MACROD2: variants seen among roughly 807,000 people sequenced by gnomAD.
MACROD2 encodes mono-ADP ribosylhydrolase 2.
A neutral mutation model predicts 70.4 loss-of-function variants in MACROD2; 36 were observed. The observed-to-expected ratio is 0.51, with a 90% CI of 0.39 to 0.68. The LOEUF (loss-of-function observed/expected upper bound fraction) is 0.68. Among genes scored for constraint, MACROD2 ranks in the 30% least tolerant of loss-of-function variants. The pLI is 0.00. For synonymous variants in MACROD2, 172 were observed against 178.8 expected, an observed-to-expected ratio of 0.96 and a Z score of 0.30; for missense variants, 496 against 538.4, an observed-to-expected ratio of 0.92 and a Z score of 0.78.
Position 14,358,966 on chromosome 20 carries a change from C to T in MACROD2, c.272-134513C>T, listed in dbSNP as rs544183184. 8.0e-4 allele frequency among the ~76,000 whole-genome samples: 121 copies of T among 152,164 alleles called. 1 individual carries two copies. The highest frequency in any genetic ancestry group is 2.5e-3 in the African/African-American group (105 of 41,534). ...CTTTAAGAAGCTGAGGAGGGAGGAT[C>T]GCTTGAGCCCAGGAGTTCAAGACCA... On this transcript the variant is annotated intron_variant, in intron 3 of 17. Coordinates refer to ENST00000684519, the MANE Select transcript of MACROD2 (RefSeq NM_001351661.2).
rs74424902 is a variant in MACROD2, at chr20:14,842,225, C to T, written c.418+157266C>T. Among the ~76,000 whole-genome samples the T allele has an allele frequency of 1.8e-3, 275 of 152,208 alleles. 1 individual carries two copies. Among genetic ancestry groups the T allele is most frequent in the African/African-American group, 6.3e-3 (262 of 41,520 alleles). ...TCCCACTTCTGCAATAATAAACCCACTCTCATGATAACAGCCTTCATCCAT... is the reference window on the plus strand; with the variant it reads ...TCCCACTTCTGCAATAATAAACCCATTCTCATGATAACAGCCTTCATCCAT... On this transcript the variant is annotated intron_variant, in intron 5 of 17. Coordinates refer to ENST00000684519, the MANE Select transcript of MACROD2 (RefSeq NM_001351661.2).
At chr20:16,002,656 C>T (rs1038253844) in intron 15 of MACROD2, among the ~76,000 whole-genome samples, 1 of 152,126 alleles carries the variant, frequency 6.6e-6, no homozygotes, top group African/African-American at 2.4e-5. Flanking sequence ...AGATTTTTCC[C>T]CAGAGCCTCA....
At chr20:14,304,426 C>A (rs1198332860) in intron 3 of MACROD2, among the ~76,000 whole-genome samples, 5 of 152,158 alleles carry the variant, frequency 3.3e-5, no homozygotes, top group Non-Finnish European at 7.3e-5. Context: ...AAAAAGAAGT[C>A]TAAGATTGCC....
At chr20:15,515,256 T>C (rs2146519453) in intron 8 of MACROD2, among the ~76,000 whole-genome samples, 1 of 152,354 alleles carries the variant, frequency 6.6e-6, no homozygotes, top group Middle Eastern at 3.4e-3. Flanking sequence ...TTCTAAGCCA[T>C]GGATATTTCC....
chr20:14,033,444 C>G (rs149815570), intron 2 of MACROD2, among the ~76,000 whole-genome samples: 1 of 152,076 alleles, frequency 6.6e-6, no homozygotes, highest in Non-Finnish European at 1.5e-5. Flanking sequence ...ATTGTAGATT[C>G]TATTCTATTC....
At chr20:15,860,552 T>C (rs2147161164) in intron 8 of MACROD2, among the ~76,000 whole-genome samples, 1 of 152,232 alleles carries the variant, frequency 6.6e-6, no homozygotes, top group African/African-American at 2.4e-5. Context: ...GGCTGCACAG[T>C]CTTATTTTTA....
chr20:14,365,693 G>A (rs1482562852), intron 3 of MACROD2, among the ~76,000 whole-genome samples: 3 of 151,984 alleles, frequency 2.0e-5, no homozygotes, highest in Admixed American at 6.6e-5. Context: ...TCCTTAAAGT[G>A]TAAAGTTAGG....
chr20:14,673,477 G>A (rs763446459), intron 4 of MACROD2, among the ~76,000 whole-genome samples: 13 of 152,158 alleles, frequency 8.5e-5, no homozygotes, highest in Non-Finnish European at 1.3e-4. Context: ...TTGAGGCTGG[G>A]TATGGGAATC....
At chr20:14,371,933 C>G (rs58598158) in intron 3 of MACROD2, among the ~76,000 whole-genome samples, 25,082 of 152,004 alleles carry the variant, frequency 0.17, 2,106 homozygotes, top group Non-Finnish European at 0.19. Flanking sequence ...TTAGCTCCCC[C>G]CAACCCCTCT....
chr20:14,074,215 G>C (rs2053887119), intron 2 of MACROD2, among the ~76,000 whole-genome samples: 1 of 152,176 alleles, frequency 6.6e-6, no homozygotes, highest in Non-Finnish European at 1.5e-5. Flanking sequence ...ACTGAGCTCA[G>C]TTCGATACTG....
intron 7 of MACROD2, among the ~76,000 whole-genome samples, chr20:15,435,604 A>T (rs1410037301): frequency 2.6e-5 from 4 of 152,154 alleles, no homozygotes; most frequent in Admixed American, 2.6e-4. Flanking sequence ...GTGAAATTTT[A>T]TCCCATTGTG....
intron 4 of MACROD2, among the ~76,000 whole-genome samples, chr20:14,572,886 T>TTAAAGATA (rs1359561898): frequency 6.7e-6 from 1 of 150,322 alleles, no homozygotes; most frequent in Non-Finnish European, 1.5e-5. Context: ...ATATTAAATA[T>TTAAAGATA]TAAAGATATT....
rs573802662 is a variant in MACROD2 at position 15,547,708 on chromosome 20, C to G, written c.645+47861C>G. Among the ~76,000 whole-genome samples, 5 of 152,196 alleles carry G rather than the reference C, an allele frequency of 3.3e-5. No individual in the cohort carries two copies. The East Asian group carries it at 9.7e-4, about 29-fold the overall frequency. ...CTCCTCTGCCAAATTTTTTGATTCC[C>G]ATTTTCAGAGGATGATTTGTCTCCT... On this transcript the variant is annotated intron_variant, in intron 8 of 17. Coordinates refer to ENST00000684519, the MANE Select transcript of MACROD2 (RefSeq NM_001351661.2).
intron 5 of MACROD2, among the ~76,000 whole-genome samples, chr20:15,111,567 T>C (rs536434765): frequency 6.6e-6 from 1 of 152,312 alleles, no homozygotes; most frequent in South Asian, 2.1e-4. Context: ...ACTGCAGAGT[T>C]TGAATGCTGG....
chr20:15,535,567 T>A (rs2047863230), intron 8 of MACROD2, among the ~76,000 whole-genome samples: 1 of 152,194 alleles, frequency 6.6e-6, no homozygotes. Flanking sequence ...CCCAGATTAT[T>A]ATACTGAGAG....
Position 14,456,566 on chromosome 20 carries a change from AT to A in MACROD2, c.272-36911del, listed in dbSNP as rs1412024151. Among the ~76,000 whole-genome samples, 7 of 151,926 alleles carry A rather than the reference AT, an allele frequency of 4.6e-5. No homozygotes were observed. In the East Asian group the frequency reaches 1.2e-3, roughly 25 times the overall value. ...TACACTTAGACATTTCTAGGCTTAT[AT>A]TCATTAGCCCATAAAATCCAGACTA... On this transcript the variant is annotated intron_variant, in intron 3 of 17. Transcript: ENST00000684519.
intron 6 of MACROD2, among the ~76,000 whole-genome samples, chr20:15,238,405 C>G (rs920778535): frequency 1.3e-5 from 2 of 151,996 alleles, no homozygotes; most frequent in African/African-American, 4.8e-5. Flanking sequence ...TAATCCTAAC[C>G]TTTGATTCAT....
intron 5 of MACROD2, among the ~76,000 whole-genome samples, chr20:15,164,945 G>A (rs746652513): frequency 1.4e-4 from 22 of 151,974 alleles, no homozygotes; most frequent in Admixed American, 3.9e-4. Flanking sequence ...GCATAAATGA[G>A]CTAGAAGGAA....
At position 15,899,305 on chromosome 20, in the gene MACROD2, T is replaced by C. The variant is rs76590779; in HGVS notation, c.775+13494T>C. 3.9e-3 allele frequency among the ~76,000 whole-genome samples: 591 copies of C among 151,908 alleles called. 2 individuals are homozygous for C. The highest frequency in any genetic ancestry group is 0.023 in the South Asian group (113 of 4,814). On this transcript the variant is annotated intron_variant, in intron 10 of 17. Transcript: ENST00000684519. ...ATACAGATATATACACATATGTGTG[T>C]ACATATATACATATATACATATACA...
Sources: gnomAD v4.1 joint callset for allele counts (sites outside exome capture counted in the v4.1 genomes callset) on GRCh38, gnomAD v4.1.1 for gene constraint, MANE v1.5 for transcripts, NCBI Gene and HGNC (gene_info 2026-07-23, HGNC 2026-07-21) for gene names.